Variants in TMEM39A observed in about 807,000 individuals in gnomAD.
The protein encoded by TMEM39A is suppressor of SQST-1 aggregates in rpl-43 mutants.
A neutral mutation model predicts 51.9 loss-of-function variants in TMEM39A; 19 were observed. The ratio of observed to expected loss-of-function variants is 0.37; its 90% CI spans 0.26 to 0.54. TMEM39A has a LOEUF of 0.54. TMEM39A is among the 20% of genes least tolerant of loss of function. The pLI is 0.88. For synonymous variants in TMEM39A, 197 were observed against 220.2 expected, an observed-to-expected ratio of 0.89 and a Z score of 0.93; for missense variants, 433 against 590.5, an observed-to-expected ratio of 0.73 and a Z score of 2.76.
At position 119,452,438 on chromosome 3, in the gene TMEM39A, A is replaced by G; in HGVS notation, c.420+9T>C. On this transcript the variant is annotated intron_variant, in intron 4 of 8. Transcript: ENST00000319172. ...TACATGTGATAGAATATAGTCAATG[A>G]ACTGTTACCTCTGAGATGAGAGCCC... is the stretch of plus-strand genomic sequence containing the variant. 6.2e-7 allele frequency: 1 copy of G among 1,610,518 alleles called. No individual in the cohort carries two copies. Among genetic ancestry groups the G allele is most frequent in the African/African-American group, 1.3e-5 (1 of 74,992 alleles).
intron 4 of TMEM39A, 84 bp downstream of exon 4, chr3:119,452,363 G>C (rs762069161): frequency 1.1e-6 from 1 of 926,306 alleles, no homozygotes; most frequent in Non-Finnish European, 1.7e-6. Flanking sequence ...TCATTAAATG[G>C]GGACACGTCA....
In TMEM39A at chr3:119,463,373, G is replaced by C. The variant is rs765641721; in HGVS notation, c.-112C>G. ...CCCAGCCGGTGGGGCGGGGTCCCTA[G>C]AAAGCGGCGACAACTTTACAGACTG... On this transcript the variant is annotated 5_prime_UTR_variant, in exon 1 of 9. Coordinates refer to ENST00000319172, the MANE Select transcript of TMEM39A (RefSeq NM_018266.3). 22 of 387,404 alleles carry C rather than the reference G, an allele frequency of 5.7e-5. No homozygotes were observed. Among genetic ancestry groups the C allele is most frequent in the Non-Finnish European group, 9.1e-5 (20 of 219,708 alleles). 24.0% of individuals were successfully genotyped at this position (387,404 alleles called of 1,614,324 possible).
rs769863192 is a variant in TMEM39A, at chr3:119,438,031, G to A, written c.648C>T (p.Asn216=). 4 of 1,611,354 alleles carry A rather than the reference G, an allele frequency of 2.5e-6. No individual in the cohort carries two copies. Among genetic ancestry groups the A allele is most frequent in the South Asian group, 1.1e-5 (1 of 91,030 alleles). Residue 216 remains asparagine, a synonymous_variant, in exon 6 of 9, where the codon AAC becomes AAT. Transcript: ENST00000319172. ...CTACTGCCTCGTGCTGAACCACATA[G>A]TTGTAGTCTGTGAGAAGAAGATGTG... is the stretch of plus-strand genomic sequence containing the variant. ...SRAHLLLTDY[N]YVVQHEAVEE... is the part of the protein sequence containing the mutation.
At chr3:119,453,455 G>C (rs1343543246) in intron 3 of TMEM39A, among the ~76,000 whole-genome samples, 1 of 152,156 alleles carries the variant, frequency 6.6e-6, no homozygotes, top group African/African-American at 2.4e-5. Flanking sequence ...AATTTAACTA[G>C]GCACTGACTC....
At chr3:119,459,998 A>G (rs928716858) in intron 2 of TMEM39A, among the ~76,000 whole-genome samples, 1 of 152,100 alleles carries the variant, frequency 6.6e-6, no homozygotes, top group African/African-American at 2.4e-5. Flanking sequence ...GTCTTTTATA[A>G]CAAATTATTC....
chr3:119,456,127 C>T (rs779365149), intron 3 of TMEM39A, among the ~76,000 whole-genome samples: 3 of 151,988 alleles, frequency 2.0e-5, no homozygotes, highest in Admixed American at 6.6e-5. Context: ...AATGTGTGTT[C>T]GTTATTGACA....
intron 4 of TMEM39A, among the ~76,000 whole-genome samples, chr3:119,452,046 A>G (rs1296519866): frequency 2.0e-5 from 3 of 152,146 alleles, no homozygotes; most frequent in Admixed American, 6.5e-5. Flanking sequence ...CTTGCTAACA[A>G]TCTTCTCAAA....
chr3:119,455,829 A>G (rs7629750), intron 3 of TMEM39A, among the ~76,000 whole-genome samples: 68,772 of 152,064 alleles, frequency 0.45, 16,226 homozygotes, highest in East Asian at 0.63. Context: ...TGTCAACCCA[A>G]GTAGAAATTT....
At chr3:119,442,302 C>T (rs149586979) in intron 5 of TMEM39A, among the ~76,000 whole-genome samples, 2 of 149,866 alleles carry the variant, frequency 1.3e-5, no homozygotes, top group African/African-American at 4.9e-5. Context: ...GAGATCACAC[C>T]ACTGCATTCC....
At chr3:119,440,743 G>A (rs2081041935) in intron 5 of TMEM39A, among the ~76,000 whole-genome samples, 1 of 151,976 alleles carries the variant, frequency 6.6e-6, no homozygotes, top group South Asian at 2.1e-4. Context: ...GATAAAAGGT[G>A]GATTATACAA....
Position 119,438,007 on chromosome 3 carries a change from T to G in TMEM39A, c.672A>C (p.Val224=). 6.2e-7 allele frequency: 1 copy of G among 1,614,180 alleles called. No individual in the cohort carries two copies. The highest frequency in any genetic ancestry group is 8.5e-7 in the Non-Finnish European group (1 of 1,180,002). The change falls in exon 6 of 9, where the codon GTA becomes GTC. Residue 224 remains valine, a synonymous_variant. Transcript: ENST00000319172. ...CTCCCACAGTCGAGGCACTTTCCTC[T>G]ACTGCCTCGTGCTGAACCACATAGT... The part of the protein sequence containing the change: ...DYNYVVQHEA[V]EESASTVGGL...
intron 5 of TMEM39A, among the ~76,000 whole-genome samples, chr3:119,445,550 C>A (rs1309096752): frequency 6.6e-6 from 1 of 152,204 alleles, no homozygotes; most frequent in Non-Finnish European, 1.5e-5. Flanking sequence ...CAGGCTTGAG[C>A]CACCGCGCCC....
rs138149162 is a variant in TMEM39A, at chr3:119,437,860, T to C, written c.819A>G (p.Glu273=). 81 of 1,612,380 alleles carry C rather than the reference T, an allele frequency of 5.0e-5. No homozygotes were observed. In the African/African-American group the frequency reaches 8.8e-4, roughly 18 times the overall value. ...CPLSPDLIRN[E]VECLKADFNH... Reference sequence around the variant, plus strand: ...TGAAATCTGCTTTCAGACATTCTACTTCATTGCGAATGAGGTCTGGAGATA... The same window carrying C: ...TGAAATCTGCTTTCAGACATTCTACCTCATTGCGAATGAGGTCTGGAGATA... The change falls in exon 6 of 9, where the codon GAA becomes GAG. Residue 273 remains glutamate, a synonymous_variant. Coordinates refer to ENST00000319172, the MANE Select transcript of TMEM39A (RefSeq NM_018266.3).
At chr3:119,441,635 G>A (rs1321457055) in intron 5 of TMEM39A, among the ~76,000 whole-genome samples, 3 of 152,194 alleles carry the variant, frequency 2.0e-5, no homozygotes, top group Admixed American at 1.3e-4. Flanking sequence ...AACAGCAAGT[G>A]TGAATCTACA....
intron 5 of TMEM39A, among the ~76,000 whole-genome samples, chr3:119,440,571 C>T (rs75193220): frequency 0.13 from 20,064 of 152,064 alleles, 1,419 homozygotes; most frequent in South Asian, 0.18. Flanking sequence ...ACTAATTCAC[C>T]CTAATGAGAA....
intron 4 of TMEM39A, among the ~76,000 whole-genome samples, chr3:119,449,085 G>C (rs1202479695): frequency 6.6e-6 from 1 of 152,160 alleles, no homozygotes; most frequent in Non-Finnish European, 1.5e-5. Flanking sequence ...GCTTGTGTTA[G>C]TAAACGGTAT....
intron 4 of TMEM39A, among the ~76,000 whole-genome samples, chr3:119,448,851 G>T (rs1055181060): frequency 6.6e-6 from 1 of 152,188 alleles, no homozygotes; most frequent in Non-Finnish European, 1.5e-5. Flanking sequence ...TTATTCCAGA[G>T]CCCCAAGCCG....
Position 119,458,186 on chromosome 3 carries a change from T to C in TMEM39A, c.168A>G (p.Pro56=), listed in dbSNP as rs2081290904. Residue 56 remains proline (P), a synonymous_variant, in exon 3 of 9, where the codon CCA becomes CCG. Coordinates refer to ENST00000319172, the MANE Select transcript of TMEM39A (RefSeq NM_018266.3). ...GAATTTGGCAATGACGAACAGGACC[T>C]GGGGTGATTAAGGCTGTGATAGGTG... ...PVPPITALIT[P]GPVRHCQIPD... The C allele has an allele frequency of 4.3e-6, 7 of 1,614,136 alleles. No homozygotes were observed. The highest frequency in any genetic ancestry group is 4.2e-6 in the Non-Finnish European group (5 of 1,180,024).
chr3:119,442,601 T>A (rs1389612130), intron 5 of TMEM39A, among the ~76,000 whole-genome samples: 1 of 152,224 alleles, frequency 6.6e-6, no homozygotes, highest in Non-Finnish European at 1.5e-5. Context: ...CCATGCTAAA[T>A]GCCATTGAGA....
Sources: allele counts gnomAD v4.1 joint callset (sites outside exome capture counted in the v4.1 genomes callset), GRCh38; gene constraint gnomAD v4.1.1; transcripts MANE v1.5; gene names NCBI Gene and HGNC (gene_info 2026-07-23, HGNC 2026-07-21).